The following AFG2A variants were observed in gnomAD, a reference collection of about 807,000 sequenced individuals.
The protein encoded by AFG2A is AAA ATPase AFG2A.
chr4:123,229,956 A>G, the AFG2A span, among the ~76,000 whole-genome samples: 1 of 151,970 alleles, frequency 6.6e-6, no homozygotes. Flanking sequence ...TTATGTCTAA[A>G]AAAACAATTT....
the AFG2A span, among the ~76,000 whole-genome samples, chr4:123,123,989 C>T: frequency 7.7e-6 from 1 of 129,286 alleles, no homozygotes; most frequent in African/African-American, 2.9e-5. Flanking sequence ...CAGGAAACAA[C>T]AGGTGCTGGA....
chr4:123,259,587 T>C, the AFG2A span, among the ~76,000 whole-genome samples: 1 of 152,238 alleles, frequency 6.6e-6, no homozygotes, highest in Admixed American at 6.5e-5. Context: ...CAGAAGGGAA[T>C]TTCTCTCAGG....
At chr4:123,058,513 T>A in the AFG2A span, among the ~76,000 whole-genome samples, 1 of 152,126 alleles carries the variant, frequency 6.6e-6, no homozygotes, top group Non-Finnish European at 1.5e-5. Flanking sequence ...TAATTCCAGC[T>A]ACTTGGGAGG....
the AFG2A span, among the ~76,000 whole-genome samples, chr4:122,998,935 A>G: frequency 1.3e-5 from 2 of 152,134 alleles, no homozygotes; most frequent in Non-Finnish European, 2.9e-5. Flanking sequence ...CCAACAGTGT[A>G]AAAGTGTTCC....
chr4:123,225,437 A>C, the AFG2A span, among the ~76,000 whole-genome samples: 1 of 152,206 alleles, frequency 6.6e-6, no homozygotes, highest in Non-Finnish European at 1.5e-5. Flanking sequence ...ATGGCTAGCC[A>C]GTTTTCCCAG....
At chr4:123,124,470 A>G in the AFG2A span, among the ~76,000 whole-genome samples, 2 of 152,294 alleles carry the variant, frequency 1.3e-5, no homozygotes, top group Admixed American at 1.3e-4. Flanking sequence ...GGGGAACATC[A>G]CATACCAGGG....
the AFG2A span, among the ~76,000 whole-genome samples, chr4:122,981,120 T>C: frequency 6.6e-6 from 1 of 152,232 alleles, no homozygotes; most frequent in Non-Finnish European, 1.5e-5. Context: ...CTAGTAGTTT[T>C]ACAGTTCTAG....
chr4:123,143,532 T>C, the AFG2A span, among the ~76,000 whole-genome samples: 1 of 152,064 alleles, frequency 6.6e-6, no homozygotes, highest in Non-Finnish European at 1.5e-5. Flanking sequence ...TCTTATGAGC[T>C]TTTCCAATTT....
the AFG2A span, chr4:123,255,878 T>C: frequency 6.0e-6 from 6 of 997,220 alleles, no homozygotes; most frequent in East Asian, 1.1e-4. Flanking sequence ...TTATGGAATC[T>C]CTGGTACTTG....
the AFG2A span, among the ~76,000 whole-genome samples, chr4:123,065,607 T>A: frequency 6.6e-6 from 1 of 152,116 alleles, no homozygotes; most frequent in Admixed American, 6.6e-5. Flanking sequence ...TATACACTAG[T>A]GAAAGAAAAC....
the AFG2A span, chr4:122,928,959 G>C: frequency 6.6e-7 from 1 of 1,510,514 alleles, no homozygotes; most frequent in African/African-American, 1.4e-5. Flanking sequence ...GTGCTTGACT[G>C]TGCTTAGCAT....
At chr4:123,244,136 A>G in the AFG2A span, among the ~76,000 whole-genome samples, 1 of 152,298 alleles carries the variant, frequency 6.6e-6, no homozygotes, top group South Asian at 2.1e-4. Context: ...ACAAGGTACC[A>G]GAGACAAGGA....
chr4:123,306,729 G>C, the AFG2A span, among the ~76,000 whole-genome samples: 1 of 152,046 alleles, frequency 6.6e-6, no homozygotes. Context: ...CTAATTTTTT[G>C]TATTTTTAGT....
the AFG2A span, among the ~76,000 whole-genome samples, chr4:123,050,406 T>C: frequency 3.3e-5 from 5 of 152,226 alleles, no homozygotes; most frequent in Non-Finnish European, 7.3e-5. Flanking sequence ...TGCGGTCCCC[T>C]GCAATTATTT....
the AFG2A span, among the ~76,000 whole-genome samples, chr4:122,924,969 G>C: frequency 6.6e-6 from 1 of 152,016 alleles, no homozygotes; most frequent in Admixed American, 6.6e-5. Context: ...GTAACAAATC[G>C]TTGTGGGTCA....
the AFG2A span, chr4:123,255,905 C>T: frequency 1.8e-5 from 22 of 1,221,762 alleles, no homozygotes; most frequent in Middle Eastern, 7.9e-4. Flanking sequence ...TTACCAATTA[C>T]GAATAATAGT....
chr4:123,105,839 C>T, the AFG2A span, among the ~76,000 whole-genome samples: 2 of 152,296 alleles, frequency 1.3e-5, no homozygotes, highest in Middle Eastern at 3.4e-3. Context: ...AAAGTGATTT[C>T]TTGAGATGGA....
the AFG2A span, among the ~76,000 whole-genome samples, chr4:123,215,223 G>A: frequency 0.17 from 25,356 of 151,930 alleles, 5,027 homozygotes; most frequent in African/African-American, 0.48. Flanking sequence ...AGCTGAACCA[G>A]TTAAGACAAA....
chr4:123,260,674 T>A, the AFG2A span, among the ~76,000 whole-genome samples: 4 of 152,244 alleles, frequency 2.6e-5, no homozygotes, highest in Admixed American at 1.3e-4. Flanking sequence ...TATTAGAATC[T>A]GGCATAGATT....
Sources: allele counts gnomAD v4.1 joint callset (sites outside exome capture counted in the v4.1 genomes callset), GRCh38; gene constraint gnomAD v4.1.1; transcripts MANE v1.5; gene names NCBI Gene and HGNC (gene_info 2026-07-23, HGNC 2026-07-21).